FAM13A: variants seen among roughly 807,000 people sequenced by gnomAD.
FAM13A encodes protein FAM13A.
FAM13A carries 76 observed loss-of-function variants against 129.6 expected under a neutral mutation model. The observed-to-expected ratio is 0.59, with a 90% confidence interval of 0.49 to 0.71. FAM13A has a LOEUF of 0.71. Among genes scored for constraint, FAM13A ranks in the 30% least tolerant of loss-of-function variants. The pLI is 0.00. For synonymous variants in FAM13A, 443 were observed against 449.9 expected, an observed-to-expected ratio of 0.98 and a Z score of 0.20; for missense variants, 1,108 against 1,249.3, an observed-to-expected ratio of 0.89 and a Z score of 1.70.
intron 3 of FAM13A, among the ~76,000 whole-genome samples, chr4:88,993,990 C>CAACAAAAA (rs1763236313): frequency 8.0e-6 from 1 of 124,656 alleles, no homozygotes; most frequent in African/African-American, 3.0e-5. Context: ...GACCCTGCCT[C>CAACAAAAA]AAAAAAAAAA....
rs1179937617 is a variant in FAM13A, at chr4:88,866,418, G to A, written c.844-15235C>T. Reference sequence around the variant, plus strand: ...GCTGGTCTAGAACTCCTGACCTCAAGTTCAGCCTGCCTTGACCTCCCAAAG... The same window carrying A: ...GCTGGTCTAGAACTCCTGACCTCAAATTCAGCCTGCCTTGACCTCCCAAAG... On this transcript the variant is annotated intron_variant, in intron 6 of 23. Transcript: ENST00000264344. Among the ~76,000 whole-genome samples, 4 of 152,172 alleles carry A rather than the reference G, an allele frequency of 2.6e-5. No individual in the cohort carries two copies. The East Asian group carries it at 7.7e-4, about 29-fold the overall frequency.
intron 7 of FAM13A, among the ~76,000 whole-genome samples, chr4:88,842,100 A>G (rs553344291): frequency 6.6e-6 from 1 of 152,374 alleles, no homozygotes; most frequent in East Asian, 1.9e-4. Flanking sequence ...GTACTGATAC[A>G]TGCTACAACA....
intron 5 of FAM13A, among the ~76,000 whole-genome samples, chr4:88,909,659 G>C (rs1453516810): frequency 6.6e-6 from 1 of 152,032 alleles, no homozygotes; most frequent in African/African-American, 2.4e-5. Flanking sequence ...GCTAATTTTT[G>C]TATTTTTAGT....
chr4:88,732,514 A>G lies in FAM13A; in HGVS notation c.2647-316T>C, dbSNP rs1341417386. ...ACAACCATCATAATTTATAACCTAA[A>G]TCAGATGAACTAAAAGGATCCAAAA... On this transcript the variant is annotated intron_variant, in intron 21 of 23. Coordinates refer to ENST00000264344, the MANE Select transcript of FAM13A (RefSeq NM_014883.4). The G allele has an allele frequency of 1.5e-5, 3 of 196,738 alleles. No homozygotes were observed. In the East Asian group the frequency reaches 3.5e-4, roughly 23 times the overall value. The allele number at this position is 196,738 out of a possible 1,614,324, so 12.2% of individuals were successfully genotyped here.
intron 3 of FAM13A, among the ~76,000 whole-genome samples, chr4:89,018,807 G>C (rs944949246): frequency 6.6e-6 from 1 of 152,208 alleles, no homozygotes; most frequent in Non-Finnish European, 1.5e-5. Context: ...TCTAAAACTC[G>C]TCAAAGAGTC....
chr4:88,853,674 A>C (rs1322171131), intron 6 of FAM13A, among the ~76,000 whole-genome samples: 1 of 152,196 alleles, frequency 6.6e-6, no homozygotes, highest in Non-Finnish European at 1.5e-5. Context: ...CTGAGTGTCA[A>C]CTTGATTGAA....
At chr4:88,982,557 T>G (rs1761772601) in intron 4 of FAM13A, among the ~76,000 whole-genome samples, 1 of 152,192 alleles carries the variant, frequency 6.6e-6, no homozygotes, top group South Asian at 2.1e-4. Context: ...GAATAAGGAC[T>G]ACTAATGGGC....
At chr4:88,943,921 A>G (rs1755198320) in intron 4 of FAM13A, among the ~76,000 whole-genome samples, 1 of 152,114 alleles carries the variant, frequency 6.6e-6, no homozygotes, top group South Asian at 2.1e-4. Context: ...CTTTTAAACT[A>G]TCCATAGTTT....
chr4:88,797,851 A>G (rs1726548243), intron 8 of FAM13A, among the ~76,000 whole-genome samples: 1 of 152,166 alleles, frequency 6.6e-6, no homozygotes, highest in South Asian at 2.1e-4. Context: ...GAAGATTAAC[A>G]ATATTAGTTC....
At chr4:89,005,702 A>G (rs2149068485) in intron 3 of FAM13A, among the ~76,000 whole-genome samples, 1 of 152,206 alleles carries the variant, frequency 6.6e-6, no homozygotes, top group African/African-American at 2.4e-5. Context: ...TATTGGCTGC[A>G]TGTATGTCTT....
intron 4 of FAM13A, among the ~76,000 whole-genome samples, chr4:88,945,990 G>GTATGTATGTATGTGTGTATA (rs1553901196): frequency 4.8e-5 from 3 of 61,966 alleles, no homozygotes; most frequent in African/African-American, 2.6e-4. Flanking sequence ...GTGTGTGTGT[G>GTATGTATGTATGTGTGTATA]TATATATATA....
intron 7 of FAM13A, among the ~76,000 whole-genome samples, chr4:88,847,809 C>T (rs934851691): frequency 3.9e-5 from 6 of 151,962 alleles, no homozygotes; most frequent in African/African-American, 7.3e-5. Flanking sequence ...TGGTGGCAGC[C>T]GCCTGTAGTC....
intron 7 of FAM13A, among the ~76,000 whole-genome samples, chr4:88,810,446 A>G (rs1405719836): frequency 1.3e-5 from 2 of 152,122 alleles, no homozygotes; most frequent in African/African-American, 4.8e-5. Flanking sequence ...ATGTCCTTAT[A>G]AAAAGGGGAA....
chr4:88,977,095 TATA>T (rs1376591904), intron 4 of FAM13A, among the ~76,000 whole-genome samples: 2 of 152,204 alleles, frequency 1.3e-5, no homozygotes, highest in Non-Finnish European at 2.9e-5. Flanking sequence ...AATATGTATC[TATA>T]ATAAAGTTGA....
intron 6 of FAM13A, among the ~76,000 whole-genome samples, chr4:88,851,497 G>T (rs1220631434): frequency 6.6e-6 from 1 of 151,706 alleles, no homozygotes; most frequent in Non-Finnish European, 1.5e-5. Context: ...TATGTAATGA[G>T]AAATGATATG....
intron 3 of FAM13A, among the ~76,000 whole-genome samples, chr4:89,004,981 GTT>G (rs34858310): frequency 0.54 from 81,770 of 150,470 alleles, 22,641 homozygotes; most frequent in Middle Eastern, 0.71. Context: ...TCATGTCATG[GTT>G]TTTTTTTTGG....
At chr4:88,806,653 G>A (rs1728622241) in intron 7 of FAM13A, among the ~76,000 whole-genome samples, 1 of 152,142 alleles carries the variant, frequency 6.6e-6, no homozygotes, top group African/African-American at 2.4e-5. Flanking sequence ...ATACCTTAAT[G>A]TTTATAACTA....
chr4:88,963,755 ATTAG>A (rs1758967020), intron 4 of FAM13A, among the ~76,000 whole-genome samples: 1 of 152,210 alleles, frequency 6.6e-6, no homozygotes. Context: ...GGACCAGTCT[ATTAG>A]TTGCTGCTAA....
intron 7 of FAM13A, among the ~76,000 whole-genome samples, chr4:88,847,884 C>T (rs748969603): frequency 2.9e-4 from 44 of 151,286 alleles, no homozygotes; most frequent in Non-Finnish European, 4.7e-4. Flanking sequence ...TTGCAGTGAG[C>T]GGAGATTGCA....
Sources: gnomAD v4.1 joint callset for allele counts (sites outside exome capture counted in the v4.1 genomes callset) on GRCh38, gnomAD v4.1.1 for gene constraint, MANE v1.5 for transcripts, NCBI Gene and HGNC (gene_info 2026-07-23, HGNC 2026-07-21) for gene names.